The following MYO1H variants were observed in gnomAD, a reference collection of about 807,000 sequenced individuals.
MYO1H encodes unconventional myosin-Ih.
In MYO1H, 118 loss-of-function variants were observed where a neutral mutation model predicts 149.3. That is an observed-to-expected ratio of 0.79 (90% CI 0.68 to 0.92). The LOEUF is 0.92. Among genes scored for constraint, MYO1H ranks in the 40% least tolerant of loss-of-function variants. The probability of loss-of-function intolerance (pLI) is 0.00; values close to 1 mark genes in which losing one functional copy is unlikely to be tolerated. For synonymous variants in MYO1H, 447 were observed against 465.2 expected (o/e 0.96, Z 0.50); for missense variants, 1,212 against 1,280.7 (o/e 0.95, Z 0.82).
At chr12:109,329,113 G>C in the MYO1H span, among the ~76,000 whole-genome samples, 1 of 150,926 alleles carries the variant, frequency 6.6e-6, no homozygotes. Context: ...TAATTGGATG[G>C]TATTTTCAGT....
rs1445550892 is a variant in MYO1H at position 109,360,390 on chromosome 12, T to C, written c.12+12418T>C. 2.6e-5 allele frequency among the ~76,000 whole-genome samples: 4 copies of C among 152,152 alleles called. No individual in the cohort carries two copies. In the East Asian group the frequency reaches 7.7e-4, roughly 29 times the overall value. ...ACTTCAGAGTTTCAACGATGCTTTG[T>C]TGCCAATTAGGCGACCACTATAGCC... On this transcript the variant is annotated intron_variant, in intron 1 of 31. Coordinates refer to ENST00000310903, the Ensembl canonical transcript of MYO1H.
chr12:109,417,971 AC>A (rs1871001658), intron 15 of MYO1H, among the ~76,000 whole-genome samples: 1 of 150,800 alleles, frequency 6.6e-6, no homozygotes, highest in African/African-American at 2.4e-5. Context: ...GCCCGCCACC[AC>A]GCCCGGCTAA....
chr12:109,364,333 C>T (rs1592780384), intron 1 of MYO1H, among the ~76,000 whole-genome samples: 1 of 152,004 alleles, frequency 6.6e-6, no homozygotes, highest in African/African-American at 2.4e-5. Flanking sequence ...ACATTGTATT[C>T]TGCTGTTCTT....
rs753515481 is a variant in MYO1H at position 109,443,214 on chromosome 12, GTATA to G, written c.2689-298_2689-295del. On this transcript the variant is annotated intron_variant, in intron 27 of 31. Coordinates refer to ENST00000310903, the Ensembl canonical transcript of MYO1H. ...TACGTATATGTGTGTATATGTGTAC[GTATA>G]TGTGTGTGTATATGTGTACGTATAT... Among the ~76,000 whole-genome samples the G allele has an allele frequency of 4.8e-5, 4 of 82,738 alleles. 1 individual carries two copies. Among genetic ancestry groups the G allele is most frequent in the Admixed American group, 2.2e-4 (2 of 9,122 alleles). 54.3% of individuals were successfully genotyped at this position (82,738 alleles called of 152,430 possible).
In MYO1H at chr12:109,441,320, T is replaced by C. The variant is rs113444904; in HGVS notation, c.2539-295T>C. Among the ~76,000 whole-genome samples, 10 of 152,350 alleles carry C rather than the reference T, an allele frequency of 6.6e-5. 1 individual carries two copies. Among genetic ancestry groups the C allele is most frequent in the African/African-American group, 2.4e-4 (10 of 41,576 alleles). The stretch of plus-strand genomic sequence containing the variant: ...AAGGGACAGCAGGCTGAGTTTGGCC[T>C]GCAGGCTGTGGTTTCCCAATCCCTG... On this transcript the variant is annotated intron_variant, in intron 25 of 31. Coordinates refer to ENST00000310903, the Ensembl canonical transcript of MYO1H.
chr12:109,404,619 T>C (rs1252274655), intron 7 of MYO1H, among the ~76,000 whole-genome samples: 3 of 152,228 alleles, frequency 2.0e-5, no homozygotes, highest in African/African-American at 7.2e-5. Context: ...TTAATGTAAG[T>C]TTGAAATTCA....
intron 1 of MYO1H, among the ~76,000 whole-genome samples, chr12:109,373,121 C>T (rs1015688326): frequency 1.6e-4 from 25 of 152,092 alleles, no homozygotes; most frequent in African/African-American, 6.0e-4. Context: ...CCTGAATTTA[C>T]ATATCATATA....
intron 6 of MYO1H, chr12:109,401,500 C>G: frequency 2.3e-6 from 1 of 440,694 alleles, no homozygotes; most frequent in Admixed American, 3.8e-5. Context: ...TGGTTCTCAT[C>G]CCTGGCTGAA....
intron 1 of MYO1H, among the ~76,000 whole-genome samples, chr12:109,371,636 G>T (rs756601709): frequency 2.6e-5 from 4 of 152,118 alleles, no homozygotes; most frequent in Non-Finnish European, 5.9e-5. Flanking sequence ...TATTGAGGTT[G>T]CTTATTATTT....
At chr12:109,430,044 T>A (rs2095998229) in intron 19 of MYO1H, among the ~76,000 whole-genome samples, 1 of 152,226 alleles carries the variant, frequency 6.6e-6, no homozygotes, top group Non-Finnish European at 1.5e-5. Flanking sequence ...TGTGACCTGA[T>A]CACCTGTCAG....
exon 18 of MYO1H, chr12:109,426,007 C>G: frequency 6.2e-7 from 1 of 1,613,832 alleles, no homozygotes; most frequent in Non-Finnish European, 8.5e-7. Context: ...TCTAAGGAGC[C>G]CTCCTACATC....
At chr12:109,402,987 C>T (rs1015163943) in intron 6 of MYO1H, among the ~76,000 whole-genome samples, 1 of 152,288 alleles carries the variant, frequency 6.6e-6, no homozygotes, top group South Asian at 2.1e-4. Context: ...ATGGGTCTAG[C>T]AATTTGCCAC....
chr12:109,424,871 G>A, intron 17 of MYO1H, 43 bp downstream of exon 17: 2 of 1,484,166 alleles, frequency 1.3e-6, no homozygotes, highest in Non-Finnish European at 1.9e-6. Context: ...TCTCACCAGA[G>A]GGTGAGATGA....
At chr12:109,411,078 G>A (rs1484102344) in intron 13 of MYO1H, among the ~76,000 whole-genome samples, 2 of 152,108 alleles carry the variant, frequency 1.3e-5, no homozygotes, top group African/African-American at 2.4e-5. Context: ...GGAGGCAGAG[G>A]TTGCAGTGAG....
rs542918173 is a variant in MYO1H at position 109,416,976 on chromosome 12, C to T, written c.1597+1356C>T. Among the ~76,000 whole-genome samples, 65 of 150,766 alleles carry T rather than the reference C, an allele frequency of 4.3e-4. 2 individuals carry two copies. In the South Asian group the frequency reaches 0.013, roughly 30 times the overall value. On this transcript the variant is annotated intron_variant, in intron 15 of 31. Transcript: ENST00000310903. ...GAGTTGAGATCGCGCCATTGCACTC[C>T]AGCCTGGGCAACAAGAGTGAAACTC... is the stretch of plus-strand genomic sequence containing the variant.
At chr12:109,316,182 A>G in the MYO1H span, among the ~76,000 whole-genome samples, 3 of 135,508 alleles carry the variant, frequency 2.2e-5, no homozygotes, top group Non-Finnish European at 3.2e-5. Flanking sequence ...GGTGGGGGGG[A>G]GCTCTTCCTT....
At chr12:109,378,199 G>T (rs1158152741) in intron 1 of MYO1H, among the ~76,000 whole-genome samples, 1 of 152,126 alleles carries the variant, frequency 6.6e-6, no homozygotes, top group African/African-American at 2.4e-5. Context: ...TTTCTCTTGG[G>T]TAGATACCTA....
chr12:109,444,432 G>A (rs759771723), exon 30 of MYO1H: 2 of 1,613,568 alleles, frequency 1.2e-6, no homozygotes, highest in Non-Finnish European at 1.7e-6. Context: ...CCCACCCCAG[G>A]GGGATGCCGT....
intron 22 of MYO1H, 55 bp downstream of exon 22, chr12:109,436,611 C>T: frequency 3.2e-6 from 4 of 1,255,438 alleles, no homozygotes; most frequent in Non-Finnish European, 4.6e-6. Flanking sequence ...TGCTTGGCAC[C>T]TGGGGGCACA....
Sources: gnomAD v4.1 joint callset for allele counts (sites outside exome capture counted in the v4.1 genomes callset) on GRCh38, gnomAD v4.1.1 for gene constraint, MANE v1.5 for transcripts, NCBI Gene and HGNC (gene_info 2026-07-23, HGNC 2026-07-21) for gene names.